The following LRP12 variants were observed in gnomAD, a reference collection of about 807,000 sequenced individuals.
LRP12 encodes LDL receptor related protein 12.
LRP12 carries 14 observed loss-of-function variants against 66.0 expected under a neutral mutation model. That is an observed-to-expected ratio of 0.21 (90% CI 0.14 to 0.33). LRP12 has a LOEUF of 0.33. Ranked by LOEUF, LRP12 falls within the 10% of genes least tolerant of loss-of-function variation. The pLI is 1.00. For synonymous variants in LRP12, 357 were observed against 359.1 expected (o/e 0.99, Z 0.07); for missense variants, 889 against 1,053.4 (o/e 0.84, Z 2.16).
At chr8:104,533,784 G>A (rs1588494957) in intron 1 of LRP12, among the ~76,000 whole-genome samples, 1 of 152,008 alleles carries the variant, frequency 6.6e-6, no homozygotes, top group East Asian at 1.9e-4. Flanking sequence ...CTGAGCAGCT[G>A]GGACTACAGG....
rs1167824050 is a variant in LRP12 at position 104,491,262 on chromosome 8, A to G, written c.1991T>C (p.Met664Thr). Reference sequence around the variant, plus strand: ...TGCAACCCCACCAGATGCTCCTGCCATATCTCTTCTCTCATTTTCTGTGTC... The same window carrying G: ...TGCAACCCCACCAGATGCTCCTGCCGTATCTCTTCTCTCATTTTCTGTGTC... The part of the protein sequence containing the change: ...DTDTENERRD[M>T]AGASGGVAAP... The change falls in exon 7 of 7, where the codon ATG (methionine) becomes ACG (threonine). Residue 664 changes from methionine to threonine, a missense_variant. By Grantham distance (81) the Met-to-Thr change is moderately conservative. Transcript: ENST00000276654. The G allele has an allele frequency of 5.0e-6, 8 of 1,613,980 alleles. No individual in the cohort carries two copies. The highest frequency in any genetic ancestry group is 1.6e-4 in the Middle Eastern group (1 of 6,084).
intron 1 of LRP12, among the ~76,000 whole-genome samples, chr8:104,573,902 G>A (rs1331232648): frequency 6.6e-6 from 1 of 151,966 alleles, no homozygotes; most frequent in Non-Finnish European, 1.5e-5. Context: ...AAATATAAAT[G>A]CAAAGTATAA....
intron 1 of LRP12, among the ~76,000 whole-genome samples, chr8:104,546,965 CATAT>C (rs199525976): frequency 0.032 from 4,396 of 139,196 alleles, 214 homozygotes; most frequent in African/African-American, 0.11. Flanking sequence ...AATTATATAT[CATAT>C]ATAATTCTAT....
chr8:104,489,276 T>A lies in LRP12; in HGVS notation c.*1397A>T, dbSNP rs1810578649. 6.6e-6 allele frequency: 1 copy of A among 152,574 alleles called. No homozygotes were observed. Among genetic ancestry groups the A allele is most frequent in the African/African-American group, 2.4e-5 (1 of 41,462 alleles). 9.5% of individuals were successfully genotyped at this position (152,574 alleles called of 1,614,324 possible). A position where few individuals can be genotyped will look rare whatever the true frequency, so the allele number is the denominator to read the frequency against. On this transcript the variant is annotated 3_prime_UTR_variant, in exon 7 of 7. Transcript: ENST00000276654. ...AAGGCAATAAAAAAAATCATTTTAA[T>A]TTTTGATACATATTAAAACATCTTA...
intron 1 of LRP12, among the ~76,000 whole-genome samples, chr8:104,559,023 T>C (rs895399528): frequency 8.5e-5 from 13 of 152,126 alleles, no homozygotes; most frequent in Admixed American, 2.0e-4. Flanking sequence ...TGTAAACTAG[T>C]ACAAGCACTA....
At chr8:104,559,635 AAAAT>A (rs1284889087) in intron 1 of LRP12, among the ~76,000 whole-genome samples, 1 of 152,144 alleles carries the variant, frequency 6.6e-6, no homozygotes, top group African/African-American at 2.4e-5. Context: ...TAATTAAAAA[AAAAT>A]AGTTTAGAGA....
intron 2 of LRP12, among the ~76,000 whole-genome samples, chr8:104,519,084 C>T (rs1354845949): frequency 2.0e-5 from 3 of 152,172 alleles, no homozygotes; most frequent in South Asian, 2.1e-4. Flanking sequence ...AGGAAACACA[C>T]GCCCACAGCT....
chr8:104,534,988 A>AT (rs1421693137), intron 1 of LRP12, among the ~76,000 whole-genome samples: 1 of 151,218 alleles, frequency 6.6e-6, no homozygotes, highest in African/African-American at 2.4e-5. Context: ...CATGTCAGAT[A>AT]TTTTTTCAGA....
At chr8:104,556,753 A>G (rs1490981975) in intron 1 of LRP12, among the ~76,000 whole-genome samples, 2 of 152,194 alleles carry the variant, frequency 1.3e-5, no homozygotes, top group Non-Finnish European at 2.9e-5. Flanking sequence ...AATCTTCCCT[A>G]CATCATTCTA....
chr8:104,498,926 CTA>C (rs1427093489), intron 4 of LRP12, among the ~76,000 whole-genome samples: 1 of 152,102 alleles, frequency 6.6e-6, no homozygotes, highest in Non-Finnish European at 1.5e-5. Context: ...TTTTCTGAGA[CTA>C]TAAACTATGA....
At chr8:104,555,280 C>A (rs532990364) in intron 1 of LRP12, among the ~76,000 whole-genome samples, 131 of 152,166 alleles carry the variant, frequency 8.6e-4, no homozygotes, top group African/African-American at 3.1e-3. Flanking sequence ...GGTATTCAGG[C>A]AACAAATAGC....
intron 1 of LRP12, among the ~76,000 whole-genome samples, chr8:104,539,620 G>A (rs560816671): frequency 6.6e-6 from 1 of 151,898 alleles, no homozygotes; most frequent in Non-Finnish European, 1.5e-5. Context: ...AATATCATAA[G>A]CATTGTTTTA....
At chr8:104,587,792 A>G (rs1363436601) in intron 1 of LRP12, among the ~76,000 whole-genome samples, 2 of 152,244 alleles carry the variant, frequency 1.3e-5, no homozygotes, top group Admixed American at 6.5e-5. Flanking sequence ...TAGACTTTTT[A>G]TAAGTAAAAT....
rs138135048 is a variant in LRP12, at chr8:104,521,041, C to T, written c.136+10866G>A. Among the ~76,000 whole-genome samples, 507 of 152,142 alleles carry T rather than the reference C, an allele frequency of 3.3e-3. 3 individuals are homozygous for T. The highest frequency in any genetic ancestry group is 0.011 in the African/African-American group (463 of 41,550). On this transcript the variant is annotated intron_variant, in intron 2 of 6. Coordinates refer to ENST00000276654, the MANE Select transcript of LRP12 (RefSeq NM_013437.5). ...TCTGTCTATAGTTCTGGTACTCACA[C>T]GTGCTGTTCTAATGCTGGAGTTATT...
chr8:104,495,277 T>C, intron 5 of LRP12, 68 bp from the exon 6 acceptor site: 1 of 1,474,674 alleles, frequency 6.8e-7, no homozygotes, highest in Non-Finnish European at 9.4e-7. Context: ...TTTTCTATTA[T>C]CAGTAATTAA....
intron 1 of LRP12, among the ~76,000 whole-genome samples, chr8:104,548,199 TATG>T (rs1200318186): frequency 3.3e-5 from 3 of 90,034 alleles, no homozygotes; most frequent in Non-Finnish European, 5.5e-5. Flanking sequence ...TATATAAATA[TATG>T]ATATATTTAT....
rs1810628034 is a variant in LRP12, at chr8:104,491,442, T to C, written c.1811A>G (p.Asn604Ser). 6.2e-7 allele frequency: 1 copy of C among 1,613,916 alleles called. No homozygotes were observed. Reference protein sequence around the residue: ...PMAGRSSNIWNRIFNFARSRH... With the variant: ...PMAGRSSNIWSRIFNFARSRH... ...TGATCTTGCAAAATTAAAAATACGG[T>C]TCCAAATGTTGCTTGATCTGCCTGC... is the stretch of plus-strand genomic sequence containing the variant. The change falls in exon 7 of 7, where the codon AAC (asparagine) becomes AGC (serine). Residue 604 changes from asparagine (N) to serine (S), a missense_variant. Physicochemically the swap from Asn to Ser is conservative, Grantham distance 46. Around this residue, in one of 3 missense-constraint regions of LRP12, gnomAD observed 800 missense variants for 964.5 expected, o/e 0.83. Transcript: ENST00000276654.
In LRP12 at chr8:104,531,918, C is replaced by T. The variant is rs367698679; in HGVS notation, c.125G>A (p.Gly42Glu). The change falls in exon 2 of 7, where the codon GGA becomes GAA. Residue 42 changes from glycine to glutamate, a missense_variant. Physicochemically the swap from Gly to Glu is moderately conservative, Grantham distance 98 (BLOSUM62 -2). This residue lies in a region of LRP12 where 88 missense variants were observed against 72.5 expected (regional missense o/e 1.21). Coordinates refer to ENST00000276654, the MANE Select transcript of LRP12 (RefSeq NM_013437.5). ...AAAAAATGACTTACCAGTTGACACTCCTGAAATATGCACATTTTCAGAATG... is the reference window on the plus strand; with the variant it reads ...AAAAAATGACTTACCAGTTGACACTTCTGAAATATGCACATTTTCAGAATG... ...AEHSENVHIS[G>E]VSTACGETPE... 12 of 1,591,870 alleles carry T rather than the reference C, an allele frequency of 7.5e-6. No individual in the cohort carries two copies. The highest frequency in any genetic ancestry group is 1.0e-5 in the Non-Finnish European group (12 of 1,169,832).
At chr8:104,559,472 G>T (rs1281864882) in intron 1 of LRP12, among the ~76,000 whole-genome samples, 1 of 152,094 alleles carries the variant, frequency 6.6e-6, no homozygotes, top group East Asian at 1.9e-4. Flanking sequence ...GTGAGGAGGG[G>T]TGAGCGATAA....
Sources: allele counts gnomAD v4.1 joint callset (sites outside exome capture counted in the v4.1 genomes callset), GRCh38; gene constraint gnomAD v4.1.1; regional missense constraint gnomAD v4.1.1; transcripts MANE v1.5; gene names NCBI Gene and HGNC (gene_info 2026-07-23, HGNC 2026-07-21).